Variants in TOGARAM2 observed in about 807,000 individuals in gnomAD.
TOGARAM2 encodes the protein TOG array regulator of axonemal microtubules 2.
Under a neutral mutation model 93.3 loss-of-function variants are expected in TOGARAM2, and 85 were observed. The ratio of observed to expected loss-of-function variants is 0.91; its 90% CI spans 0.76 to 1.09. The LOEUF is 1.09. Among genes scored for constraint, TOGARAM2 ranks in the 50% least tolerant of loss-of-function variants. The probability of loss-of-function intolerance (pLI) is 0.00; values close to 1 mark genes in which losing one functional copy is unlikely to be tolerated. For synonymous variants in TOGARAM2, 593 were observed against 552.8 expected, an observed-to-expected ratio of 1.07 and a Z score of -1.02; for missense variants, 1,277 against 1,334.5, an observed-to-expected ratio of 0.96 and a Z score of 0.67.
At chr2:29,029,352 A>C (rs148012037) in intron 14 of TOGARAM2, among the ~76,000 whole-genome samples, 4,384 of 152,184 alleles carry the variant, frequency 0.029, 218 homozygotes, top group African/African-American at 0.099. Flanking sequence ...AGTGACCTGG[A>C]TGAGATTGGA....
intron 17 of TOGARAM2, 109 bp from the exon 18 acceptor site, chr2:29,036,432 C>T (rs1225324787): frequency 7.6e-6 from 7 of 922,130 alleles, no homozygotes; most frequent in Non-Finnish European, 1.2e-5. Flanking sequence ...CAGGAGGAGT[C>T]TCTGCTGAGG....
chr2:29,019,921 T>C (rs969501011), intron 10 of TOGARAM2, among the ~76,000 whole-genome samples: 3 of 152,206 alleles, frequency 2.0e-5, no homozygotes, highest in African/African-American at 7.2e-5. Flanking sequence ...AAATAAGAGC[T>C]AGGAGTCACA....
intron 1 of TOGARAM2, among the ~76,000 whole-genome samples, chr2:28,994,492 AGGTTGAT>A (rs776484792): frequency 6.6e-6 from 1 of 152,170 alleles, no homozygotes; most frequent in Non-Finnish European, 1.5e-5. Context: ...AAGGGATGGC[AGGTTGAT>A]GGGTTTTGTT....
At chr2:29,012,093 G>A (rs1484670889) in intron 7 of TOGARAM2, among the ~76,000 whole-genome samples, 1 of 152,184 alleles carries the variant, frequency 6.6e-6, no homozygotes. Flanking sequence ...AGGGTAGGAG[G>A]CCTTTAAAGA....
chr2:28,995,241 G>A (rs1242676974), intron 2 of TOGARAM2, among the ~76,000 whole-genome samples: 1 of 152,252 alleles, frequency 6.6e-6, no homozygotes, highest in South Asian at 2.1e-4. Context: ...AGCCAACCAA[G>A]TGGGGTAGTG....
chr2:29,002,778 C>T (rs1288266517), intron 5 of TOGARAM2, 31 bp downstream of exon 5: 3 of 1,588,596 alleles, frequency 1.9e-6, no homozygotes, highest in Non-Finnish European at 2.6e-6. Context: ...TGAGTCTGGT[C>T]CTCAGCTTCT....
chr2:29,013,132 T>A (rs1244209110), intron 7 of TOGARAM2, among the ~76,000 whole-genome samples: 1 of 152,218 alleles, frequency 6.6e-6, no homozygotes, highest in East Asian at 1.9e-4. Context: ...CTCCAAACCC[T>A]GTGGGTGGCA....
intron 6 of TOGARAM2, 26 bp downstream of exon 6, chr2:29,003,708 T>C: frequency 2.0e-6 from 3 of 1,471,326 alleles, no homozygotes; most frequent in Non-Finnish European, 2.7e-6. Flanking sequence ...CAAACCTTCC[T>C]TGCTGACTTC....
At chr2:29,037,639 C>T (rs1038063325) in intron 18 of TOGARAM2, among the ~76,000 whole-genome samples, 2 of 152,134 alleles carry the variant, frequency 1.3e-5, no homozygotes, top group East Asian at 1.9e-4. Context: ...GGACAGGCAC[C>T]GTGTCCTTGG....
At chr2:28,975,061 T>C (rs1486326980) in intron 1 of TOGARAM2, among the ~76,000 whole-genome samples, 1 of 152,152 alleles carries the variant, frequency 6.6e-6, no homozygotes, top group African/African-American at 2.4e-5. Context: ...ATATTGTATT[T>C]TTCTTTCTTA....
intron 1 of TOGARAM2, among the ~76,000 whole-genome samples, chr2:28,961,930 T>A (rs905661876): frequency 5.9e-5 from 9 of 152,230 alleles, no homozygotes; most frequent in African/African-American, 2.2e-4. Context: ...CTACAATTAC[T>A]TTAAGTCTCT....
upstream of TOGARAM2, among the ~76,000 whole-genome samples, chr2:28,978,185 G>C (rs1004173089): frequency 1.4e-4 from 22 of 152,314 alleles, no homozygotes; most frequent in Non-Finnish European, 3.1e-4. Context: ...GGGATGACAG[G>C]CGTGAGCCAC....
At chr2:28,959,391 A>G (rs536702875) in intron 1 of TOGARAM2, among the ~76,000 whole-genome samples, 1 of 152,338 alleles carries the variant, frequency 6.6e-6, no homozygotes, top group South Asian at 2.1e-4. Context: ...AGTGGGGAAG[A>G]GGGAGAAGAA....
intron 16 of TOGARAM2, 112 bp downstream of exon 16, chr2:29,033,675 G>T (rs114370251): frequency 5.5e-6 from 5 of 909,070 alleles, no homozygotes; most frequent in African/African-American, 1.7e-5. Flanking sequence ...CTGGGGTATC[G>T]CTGAGACCTA....
At chr2:28,999,523 C>T (rs1249044436) in intron 4 of TOGARAM2, 55 bp downstream of exon 4, 52 of 1,506,174 alleles carry the variant, frequency 3.5e-5, no homozygotes, top group Non-Finnish European at 4.6e-5. Flanking sequence ...TCAAGGGCCG[C>T]AGGCCTCCAG....
Position 29,035,648 on chromosome 2 carries a change from C to A in TOGARAM2, c.2410C>A (p.Leu804Met). ...CAAGACGGAGCTTGTCACTGCCCACCTGGTCCAGGTGAGCACCGCTTGCTT... is the reference window on the plus strand; with the variant it reads ...CAAGACGGAGCTTGTCACTGCCCACATGGTCCAGGTGAGCACCGCTTGCTT... ...KAKTELVTAHLVQVFDAFTPR... is the reference protein window; with the variant it reads ...KAKTELVTAHMVQVFDAFTPR... Residue 804 changes from leucine (L) to methionine (M), a missense_variant, in exon 17 of 20, where the codon CTG becomes ATG. Physicochemically the swap from Leu to Met is conservative, Grantham distance 15. Coordinates refer to ENST00000379558, the MANE Select transcript of TOGARAM2 (RefSeq NM_199280.4). 6.7e-7 allele frequency: 1 copy of A among 1,490,436 alleles called. No individual in the cohort carries two copies. The highest frequency in any genetic ancestry group is 2.4e-5 in the East Asian group (1 of 41,626). 92.3% of individuals were successfully genotyped at this position (1,490,436 alleles called of 1,614,324 possible).
chr2:29,047,970 TC>T (rs1666845370), intron 19 of TOGARAM2: 3 of 152,122 alleles, frequency 2.0e-5, no homozygotes, highest in Admixed American at 1.3e-4. Context: ...TTGAGATAGT[TC>T]TCACTTTTCC....
intron 6 of TOGARAM2, among the ~76,000 whole-genome samples, chr2:29,005,660 ATGCATGTGTGAGCATGCATGTGAG>A (rs1261888743): frequency 0.012 from 472 of 39,490 alleles, 38 homozygotes; most frequent in African/African-American, 0.024. Flanking sequence ...GTGTGAGGGC[ATGCATGTGTGAGCATGCATGTGAG>A]TGCATGTGTG....
At chr2:29,017,025 G>A in intron 8 of TOGARAM2, 129 bp from the exon 9 acceptor site, 1 of 1,156,554 alleles carries the variant, frequency 8.6e-7, no homozygotes, top group Middle Eastern at 2.0e-4. Flanking sequence ...CTCTTAAGGT[G>A]CAAGGAGTTT....
Sources: allele counts gnomAD v4.1 joint callset (sites outside exome capture counted in the v4.1 genomes callset), GRCh38; gene constraint gnomAD v4.1.1; transcripts MANE v1.5; gene names NCBI Gene and HGNC (gene_info 2026-07-23, HGNC 2026-07-21).